The following MEIOB variants were observed in gnomAD, a reference collection of about 807,000 sequenced individuals.
MEIOB encodes meiosis specific with OB-fold, also known as meiosis-specific with OB domain-containing protein.
A neutral mutation model predicts 53.1 loss-of-function variants in MEIOB; 50 were observed. That is an observed-to-expected ratio of 0.94 (90% CI 0.75 to 1.19). The LOEUF is 1.19. MEIOB is among the 50% of genes most tolerant of loss of function. The probability of loss-of-function intolerance (pLI) is 0.00; values close to 1 mark genes in which losing one functional copy is unlikely to be tolerated. For missense variants in MEIOB, 551 were observed against 550.8 expected (o/e 1.00, Z 0.00); for synonymous variants, 192 against 182.5 (o/e 1.05, Z -0.42).
At position 1,841,980 on chromosome 16, in the gene MEIOB, A is replaced by G. The variant is rs373808035; in HGVS notation, c.881-7T>C. The G allele has an allele frequency of 1.0e-5, 16 of 1,537,350 alleles. No homozygotes were observed. Among genetic ancestry groups the G allele is most frequent in the African/African-American group, 1.4e-5 (1 of 72,190 alleles). On this transcript the variant is annotated splice_region_variant and splice_polypyrimidine_tract_variant and intron_variant, in intron 10 of 13. Coordinates refer to ENST00000325962, the MANE Select transcript of MEIOB (RefSeq NM_001163560.3). ...ACATCAACTATTGTACTTACTAAAA[A>G]CAGAAAGAAGTATTACAGTTCTGTA...
At chr16:1,866,614 C>G (rs1055840429) in intron 2 of MEIOB, among the ~76,000 whole-genome samples, 3 of 151,924 alleles carry the variant, frequency 2.0e-5, no homozygotes, top group Non-Finnish European at 4.4e-5. Context: ...CCCAGCTACT[C>G]GCGAGGCTGA....
intron 6 of MEIOB, among the ~76,000 whole-genome samples, chr16:1,857,300 GCGTGTATTCCCAC>G (rs920407648): frequency 9.9e-5 from 15 of 152,278 alleles, no homozygotes; most frequent in Admixed American, 5.9e-4. Flanking sequence ...CAGCAGGGCA[GCGTGTATTCCCAC>G]TCCCTCCCTG....
chr16:1,855,925 T>A (rs1275377930), intron 6 of MEIOB, among the ~76,000 whole-genome samples: 1 of 78,286 alleles, frequency 1.3e-5, no homozygotes, highest in African/African-American at 6.4e-5. Flanking sequence ...GCATGTGTGT[T>A]TTTTCCTTTT....
In MEIOB at chr16:1,841,902, C is replaced by A. The variant is rs75546096; in HGVS notation, c.952G>T (p.Asp318Tyr). ...GKALKNEGKA[D>Y]PSYGILYAYI... Reference sequence around the variant, plus strand: ...GCATAAAGGATGCCATAGGAAGGATCAGCTTTTCCTTCATTCTTCAAAGCT... The same window carrying A: ...GCATAAAGGATGCCATAGGAAGGATAAGCTTTTCCTTCATTCTTCAAAGCT... The change falls in exon 11 of 14, where the codon GAT becomes TAT. Residue 318 changes from aspartate (D) to tyrosine (Y), a missense_variant. Physicochemically the swap from Asp to Tyr is radical, Grantham distance 160. Coordinates refer to ENST00000325962, the MANE Select transcript of MEIOB (RefSeq NM_001163560.3). The A allele has an allele frequency of 7.4e-4, 1,191 of 1,607,680 alleles. 15 individuals are homozygous for A. The African/African-American group carries it at 0.014, about 19-fold the overall frequency.
intron 9 of MEIOB, among the ~76,000 whole-genome samples, chr16:1,850,937 AAAATT>A (rs1567276477): frequency 6.6e-6 from 1 of 152,154 alleles, no homozygotes; most frequent in African/African-American, 2.4e-5. Flanking sequence ...TAAAATAAAT[AAAATT>A]AAATTAAAAT....
In MEIOB at chr16:1,849,545, C is replaced by CA. The variant is rs373210979; in HGVS notation, c.778+3493dup. Among the ~76,000 whole-genome samples, 42 of 79,190 alleles carry CA rather than the reference C, an allele frequency of 5.3e-4. 2 individuals carry two copies. The highest frequency in any genetic ancestry group is 1.5e-3 in the Admixed American group (9 of 6,002). The allele number at this position is 79,190 out of a possible 152,430, so 52.0% of individuals were successfully genotyped here. A position where few individuals can be genotyped will look rare whatever the true frequency, so the allele number is the denominator to read the frequency against. ...TGGGTGACAGAGTGAGACTCCGTCT[C>CA]AAAAAAAAAAAACACCTAGATGACA... On this transcript the variant is annotated intron_variant, in intron 9 of 13. Coordinates refer to ENST00000325962, the MANE Select transcript of MEIOB (RefSeq NM_001163560.3).
chr16:1,854,386 G>C (rs944458031), intron 6 of MEIOB, among the ~76,000 whole-genome samples, 186 bp from the exon 7 acceptor site: 1 of 152,248 alleles, frequency 6.6e-6, no homozygotes, highest in Non-Finnish European at 1.5e-5. Flanking sequence ...CGTAGCTGAA[G>C]TTGTAAGTCA....
chr16:1,836,418 A>G (rs1401562418), intron 13 of MEIOB, among the ~76,000 whole-genome samples: 2 of 152,232 alleles, frequency 1.3e-5, no homozygotes, highest in African/African-American at 4.8e-5. Flanking sequence ...CAGACTCATT[A>G]GCAAGTGGTG....
At chr16:1,858,046 C>T in intron 5 of MEIOB, 116 bp from the exon 6 acceptor site, 2 of 647,594 alleles carry the variant, frequency 3.1e-6, no homozygotes, top group Non-Finnish European at 5.2e-6. Flanking sequence ...CTAATATATA[C>T]TTTTTACTCT....
At chr16:1,862,412 A>G (rs1449167639) in intron 3 of MEIOB, among the ~76,000 whole-genome samples, 9 of 152,190 alleles carry the variant, frequency 5.9e-5, no homozygotes, top group Admixed American at 5.9e-4. Context: ...TGTAAACTTG[A>G]GCCATCCAGG....
chr16:1,845,041 T>G, intron 9 of MEIOB, 78 bp from the exon 10 acceptor site: 1 of 676,534 alleles, frequency 1.5e-6, no homozygotes, highest in Non-Finnish European at 2.6e-6. Flanking sequence ...CAAAATCATT[T>G]TAATAGTAAA....
At position 1,834,209 on chromosome 16, in the gene MEIOB, G is replaced by C; in HGVS notation, c.*47C>G. The C allele has an allele frequency of 1.1e-6, 1 of 943,208 alleles. No homozygotes were observed. The highest frequency in any genetic ancestry group is 1.7e-6 in the Non-Finnish European group (1 of 587,906). The allele number at this position is 943,208 out of a possible 1,614,324, so 58.4% of individuals were successfully genotyped here. ...TCAAATTAATATTCCATTTTAAAGG[G>C]AGTTAAAACTCTTATACTTTTCCAG... On this transcript the variant is annotated 3_prime_UTR_variant, in exon 14 of 14. Coordinates refer to ENST00000325962, the MANE Select transcript of MEIOB (RefSeq NM_001163560.3).
chr16:1,847,385 C>T (rs1213359104), intron 9 of MEIOB, among the ~76,000 whole-genome samples: 2 of 151,820 alleles, frequency 1.3e-5, no homozygotes, highest in Non-Finnish European at 2.9e-5. Flanking sequence ...TTGCTTGAAC[C>T]CTGGAGGCGG....
chr16:1,860,526 A>C, intron 4 of MEIOB, 51 bp from the exon 5 acceptor site: 5 of 1,028,600 alleles, frequency 4.9e-6, no homozygotes, highest in Non-Finnish European at 7.4e-6. Context: ...AACAAGATAA[A>C]CACTAACATC....
At chr16:1,861,535 C>CTTTTTTTTTT (rs59561016) in intron 4 of MEIOB, among the ~76,000 whole-genome samples, 2 of 89,126 alleles carry the variant, frequency 2.2e-5, no homozygotes, top group Admixed American at 1.4e-4. Flanking sequence ...GCATTGCAGT[C>CTTTTTTTTTT]TTTTTTTTTT....
At chr16:1,857,433 T>C in intron 6 of MEIOB, among the ~76,000 whole-genome samples, 1 of 152,234 alleles carries the variant, frequency 6.6e-6, no homozygotes, top group African/African-American at 2.4e-5. Context: ...GCTTACCCTT[T>C]CCATTTACAT....
chr16:1,844,540 C>A (rs1291337609), intron 10 of MEIOB, among the ~76,000 whole-genome samples: 1 of 152,070 alleles, frequency 6.6e-6, no homozygotes, highest in Non-Finnish European at 1.5e-5. Context: ...CAGCTCACTG[C>A]AACCTCCACC....
At chr16:1,850,573 TA>T (rs1181570917) in intron 9 of MEIOB, among the ~76,000 whole-genome samples, 284 of 126,850 alleles carry the variant, frequency 2.2e-3, no homozygotes, top group Middle Eastern at 6.2e-3. Flanking sequence ...AGACTCCATT[TA>T]AAAAAAAAAA....
At chr16:1,864,660 G>A (rs544604791) in intron 3 of MEIOB, among the ~76,000 whole-genome samples, 5 of 151,664 alleles carry the variant, frequency 3.3e-5, no homozygotes, top group South Asian at 4.2e-4. Flanking sequence ...GACTAATTTT[G>A]TATTTTTAGT....
Sources: allele counts gnomAD v4.1 joint callset (sites outside exome capture counted in the v4.1 genomes callset), GRCh38; gene constraint gnomAD v4.1.1; transcripts MANE v1.5; gene names NCBI Gene and HGNC (gene_info 2026-07-23, HGNC 2026-07-21).